Variants in CAMK2D observed in about 807,000 individuals in gnomAD.
CAMK2D encodes the protein calcium/calmodulin-dependent protein kinase type II subunit delta.
Under a neutral mutation model 84.0 loss-of-function variants are expected in CAMK2D, and 37 were observed. The observed-to-expected ratio is 0.44, with a 90% CI of 0.34 to 0.58. CAMK2D has a LOEUF of 0.58. CAMK2D is among the 20% of genes least tolerant of loss of function. The pLI, the probability that CAMK2D is intolerant of heterozygous loss-of-function variation, is 0.02. For missense variants in CAMK2D, 448 were observed against 652.5 expected (o/e 0.69, Z 3.41); for synonymous variants, 202 against 212.5 (o/e 0.95, Z 0.43).
In CAMK2D at chr4:113,647,267, C is replaced by A. The variant is rs370565795; in HGVS notation, c.220+14446G>T. On this transcript the variant is annotated intron_variant, in intron 3 of 20. Transcript: ENST00000511664. ...CATATGTCAGCATCAGACTATGCTA[C>A]CTTGGCTCTGCTTACCGTACAATTT... Among the ~76,000 whole-genome samples the A allele has an allele frequency of 2.6e-5, 4 of 152,318 alleles. No individual in the cohort carries two copies. The East Asian group carries it at 7.7e-4, about 29-fold the overall frequency.
chr4:113,593,132 G>A (rs2098900520), intron 4 of CAMK2D, among the ~76,000 whole-genome samples: 1 of 152,180 alleles, frequency 6.6e-6, no homozygotes. Context: ...GGGATTACAG[G>A]TATAAGCCAC....
rs369317001 is a variant in CAMK2D, at chr4:113,517,549, T to C, written c.696+14A>G. Reference sequence around the variant, plus strand: ...AAACCTTCATCTAAAGTGATATAAATAGTTATTACATACATCATAAGCTCC... The same window carrying C: ...AAACCTTCATCTAAAGTGATATAAACAGTTATTACATACATCATAAGCTCC... On this transcript the variant is annotated intron_variant, in intron 9 of 20. Transcript: ENST00000511664. 1.6e-6 allele frequency: 2 copies of C among 1,275,808 alleles called. No homozygotes were observed. Among genetic ancestry groups the C allele is most frequent in the Admixed American group, 1.8e-5 (1 of 56,114 alleles). The allele number at this position is 1,275,808 out of a possible 1,614,324, so 79.0% of individuals were successfully genotyped here.
chr4:113,534,702 C>T (rs2098478251), intron 7 of CAMK2D, among the ~76,000 whole-genome samples: 2 of 152,214 alleles, frequency 1.3e-5, no homozygotes, highest in African/African-American at 4.8e-5. Flanking sequence ...TGTTTCACAC[C>T]AAGACAATTT....
At chr4:113,702,565 A>G (rs1166671576) in intron 2 of CAMK2D, among the ~76,000 whole-genome samples, 1 of 152,218 alleles carries the variant, frequency 6.6e-6, no homozygotes, top group Non-Finnish European at 1.5e-5. Flanking sequence ...TATAATTTTA[A>G]TGGTATATTG....
At chr4:113,598,030 C>G (rs1402350559) in intron 4 of CAMK2D, among the ~76,000 whole-genome samples, 1 of 151,980 alleles carries the variant, frequency 6.6e-6, no homozygotes, top group Non-Finnish European at 1.5e-5. Context: ...ATATACTAAC[C>G]AATTTTAAAG....
intron 15 of CAMK2D, among the ~76,000 whole-genome samples, chr4:113,501,891 A>G (rs2098052641): frequency 6.6e-6 from 1 of 152,144 alleles, no homozygotes. Context: ...CGGGACCTAG[A>G]CCATTTGCAG....
chr4:113,674,934 A>G (rs1456409982), intron 2 of CAMK2D, among the ~76,000 whole-genome samples: 3 of 152,076 alleles, frequency 2.0e-5, no homozygotes, highest in Non-Finnish European at 4.4e-5. Flanking sequence ...AATTCTGCCA[A>G]GTGACCTGGA....
In CAMK2D at chr4:113,647,018, T is replaced by A. The variant is rs568431655; in HGVS notation, c.220+14695A>T. 3.9e-5 allele frequency among the ~76,000 whole-genome samples: 6 copies of A among 152,346 alleles called. No individual in the cohort carries two copies. The East Asian group carries it at 5.8e-4, about 15-fold the overall frequency. On this transcript the variant is annotated intron_variant, in intron 3 of 20. Transcript: ENST00000511664. ...CTCATGATAGCCTTACATAATTTTT[T>A]AAAAAATTTCACTGGAAGGTGTTTT...
chr4:113,598,215 G>C (rs971264244), intron 4 of CAMK2D, among the ~76,000 whole-genome samples: 2 of 152,040 alleles, frequency 1.3e-5, no homozygotes, highest in South Asian at 2.1e-4. Context: ...ACAGATCTTT[G>C]AGTATAGAAA....
intron 3 of CAMK2D, among the ~76,000 whole-genome samples, chr4:113,635,224 AG>A (rs2099105528): frequency 6.6e-6 from 1 of 152,192 alleles, no homozygotes; most frequent in Non-Finnish European, 1.5e-5. Flanking sequence ...AGGGTGTCCA[AG>A]TGTGCACATA....
chr4:113,754,124 C>T, intron 2 of CAMK2D: 1 of 889,066 alleles, frequency 1.1e-6, no homozygotes, highest in Non-Finnish European at 1.3e-6. Context: ...TAAAATATTG[C>T]TAATACTCCA....
In CAMK2D at chr4:113,547,730, C is replaced by A; in HGVS notation, c.342-14G>T. 1 of 1,527,972 alleles carries A rather than the reference C, an allele frequency of 6.5e-7. No individual in the cohort carries two copies. The highest frequency in any genetic ancestry group is 8.8e-7 in the Non-Finnish European group (1 of 1,137,394). 94.7% of individuals were successfully genotyped at this position (1,527,972 alleles called of 1,614,324 possible). On this transcript the variant is annotated splice_polypyrimidine_tract_variant and intron_variant, in intron 5 of 20. Transcript: ENST00000511664. ...TGAATGCAATGACTGCATGCAAACA[C>A]CAGGGGGCGTGTGTTAGTTCCAAGC...
In CAMK2D at chr4:113,761,541, C is replaced by G. The variant is rs2099641421; in HGVS notation, c.-473G>C. ...GTGCAGCGGGGCCGAGGCCGCGGAG[C>G]CCAGAGCGGACAGCCTGAGCCCAGC... On this transcript the variant is annotated 5_prime_UTR_variant, in exon 1 of 21. Coordinates refer to ENST00000511664, the MANE Select transcript of CAMK2D (RefSeq NM_001321571.2). 4 of 999,050 alleles carry G rather than the reference C, an allele frequency of 4.0e-6. No individual in the cohort carries two copies. Among genetic ancestry groups the G allele is most frequent in the Non-Finnish European group, 4.8e-6 (4 of 838,282 alleles). 61.9% of individuals were successfully genotyped at this position (999,050 alleles called of 1,614,324 possible).
intron 2 of CAMK2D, among the ~76,000 whole-genome samples, chr4:113,737,807 T>A (rs1033022639): frequency 6.6e-6 from 1 of 152,142 alleles, no homozygotes; most frequent in Admixed American, 6.6e-5. Flanking sequence ...CATTTATTTA[T>A]CATAATAAAA....
chr4:113,500,762 G>GC (rs2098027940), intron 15 of CAMK2D, among the ~76,000 whole-genome samples: 1 of 152,108 alleles, frequency 6.6e-6, no homozygotes, highest in Non-Finnish European at 1.5e-5. Context: ...ATTTGTAGAA[G>GC]CAGCGGAAGT....
chr4:113,601,713 T>TTC (rs2098953908), intron 4 of CAMK2D, among the ~76,000 whole-genome samples: 1 of 125,486 alleles, frequency 8.0e-6, no homozygotes, highest in Non-Finnish European at 1.7e-5. Flanking sequence ...TTTTTTTTCA[T>TTC]TTTTTAAGTC....
intron 4 of CAMK2D, among the ~76,000 whole-genome samples, chr4:113,556,493 G>C (rs1283801532): frequency 6.6e-6 from 1 of 152,164 alleles, no homozygotes; most frequent in Non-Finnish European, 1.5e-5. Flanking sequence ...GTAGTCACTG[G>C]TCAGTGTGAA....
chr4:113,592,514 TTTAA>T (rs1241741178), intron 4 of CAMK2D, among the ~76,000 whole-genome samples: 9 of 152,240 alleles, frequency 5.9e-5, no homozygotes, highest in Non-Finnish European at 1.2e-4. Context: ...TGATTTTACA[TTTAA>T]TTAACTTTTT....
intron 4 of CAMK2D, among the ~76,000 whole-genome samples, chr4:113,557,480 C>G (rs776666886): frequency 6.6e-6 from 1 of 152,176 alleles, no homozygotes; most frequent in Non-Finnish European, 1.5e-5. Context: ...GTCTCTCTTC[C>G]GGGAATTCCC....
Sources: allele counts gnomAD v4.1 joint callset (sites outside exome capture counted in the v4.1 genomes callset), GRCh38; gene constraint gnomAD v4.1.1; transcripts MANE v1.5; gene names NCBI Gene and HGNC (gene_info 2026-07-23, HGNC 2026-07-21).